The following CHST8 variants were observed in gnomAD, a reference collection of about 807,000 sequenced individuals.
CHST8 encodes the protein GALNAC-4-ST1.
CHST8 carries 10 observed loss-of-function variants against 15.0 expected under a neutral mutation model. The observed-to-expected ratio is 0.67, with a 90% CI of 0.41 to 1.13. CHST8 has a LOEUF of 1.13. Ranked by LOEUF, CHST8 falls within the 50% of genes most tolerant of loss-of-function variation. The pLI is 0.00. For synonymous variants in CHST8, 259 were observed against 256.6 expected (o/e 1.01, Z -0.09); for missense variants, 634 against 608.2 (o/e 1.04, Z -0.45).
At chr19:33,623,297 C>T (rs1972010191) in intron 1 of CHST8, among the ~76,000 whole-genome samples, 1 of 152,218 alleles carries the variant, frequency 6.6e-6, no homozygotes, top group African/African-American at 2.4e-5. Flanking sequence ...GTCCTGCAGT[C>T]GTCTCCGGCG....
At position 33,773,072 on chromosome 19, in the gene CHST8, G is replaced by C; in HGVS notation, c.*9G>C. The C allele has an allele frequency of 1.3e-6, 2 of 1,579,020 alleles. No homozygotes were observed. The highest frequency in any genetic ancestry group is 2.3e-5 in the South Asian group (2 of 88,198). ...TTGCAGATCTGTACTGAGGGGCGCC[G>C]CAGCTGGCCGGGGCCGCCCTGCCCC... On this transcript the variant is annotated 3_prime_UTR_variant, in exon 5 of 5. Coordinates refer to ENST00000650847, the MANE Select transcript of CHST8 (RefSeq NM_001127895.2).
chr19:33,651,887 C>T (rs1445714927), intron 1 of CHST8, among the ~76,000 whole-genome samples: 2 of 152,082 alleles, frequency 1.3e-5, no homozygotes, highest in African/African-American at 4.8e-5. Context: ...GTTCAGAAGT[C>T]TATATAGATC....
intron 3 of CHST8, among the ~76,000 whole-genome samples, chr19:33,763,623 CA>C (rs1406998851): frequency 6.6e-6 from 1 of 152,252 alleles, no homozygotes; most frequent in Non-Finnish European, 1.5e-5. Flanking sequence ...TGGATTTTCC[CA>C]TGAACACAGA....
At chr19:33,644,526 G>A (rs750894833) in intron 1 of CHST8, among the ~76,000 whole-genome samples, 8 of 152,172 alleles carry the variant, frequency 5.3e-5, no homozygotes, top group Non-Finnish European at 8.8e-5. Context: ...CTCGAGGCCA[G>A]GAGTTTGAGA....
At chr19:33,765,607 G>A (rs1206028505) in intron 3 of CHST8, among the ~76,000 whole-genome samples, 1 of 151,316 alleles carries the variant, frequency 6.6e-6, no homozygotes, top group South Asian at 2.1e-4. Flanking sequence ...CTGTTGCCAG[G>A]TTAGAGTGTA....
chr19:33,697,738 G>A (rs374859404), intron 3 of CHST8, among the ~76,000 whole-genome samples: 3 of 152,166 alleles, frequency 2.0e-5, no homozygotes, highest in African/African-American at 2.4e-5. Flanking sequence ...GTTGTGTTCC[G>A]GACCTGGAGC....
At chr19:33,712,185 C>T (rs1182176034) in intron 3 of CHST8, among the ~76,000 whole-genome samples, 1 of 152,220 alleles carries the variant, frequency 6.6e-6, no homozygotes, top group African/African-American at 2.4e-5. Flanking sequence ...CCCAGTAGAG[C>T]CCACTCCTAG....
At chr19:33,757,504 AAG>A (rs1974605074) in intron 3 of CHST8, among the ~76,000 whole-genome samples, 1 of 49,326 alleles carries the variant, frequency 2.0e-5, no homozygotes, top group African/African-American at 8.4e-5. Context: ...GAAAGAAAGA[AAG>A]AAAGAAAGAA....
At chr19:33,704,572 G>T (rs1413290506) in intron 3 of CHST8, among the ~76,000 whole-genome samples, 1 of 152,218 alleles carries the variant, frequency 6.6e-6, no homozygotes, top group East Asian at 1.9e-4. Flanking sequence ...GTAAGTCCAG[G>T]GTGGCCAGGT....
At chr19:33,643,401 C>T (rs1972308642) in intron 1 of CHST8, among the ~76,000 whole-genome samples, 1 of 152,218 alleles carries the variant, frequency 6.6e-6, no homozygotes, top group African/African-American at 2.4e-5. Flanking sequence ...TACCAGTTCT[C>T]TGCTCCCTCC....
Position 33,772,475 on chromosome 19 carries a change from T to C in CHST8, c.687T>C (p.Tyr229=), listed in dbSNP as rs1975014560. ...TADIQHNTVH[Y]GSALKRLDTF... is the part of the protein sequence containing the mutation. ...ACATCCAGCACAACACCGTCCACTA[T>C]GGCAGCGCTCTCAAGCGCCTGGACA... Residue 229 remains tyrosine (Y), a synonymous_variant, in exon 5 of 5, where the codon TAT becomes TAC. Transcript: ENST00000650847. 1.2e-6 allele frequency: 2 copies of C among 1,613,504 alleles called. No individual in the cohort carries two copies. The highest frequency in any genetic ancestry group is 2.2e-5 in the South Asian group (2 of 91,080).
chr19:33,666,717 T>C (rs1972666617), intron 1 of CHST8, among the ~76,000 whole-genome samples: 1 of 152,188 alleles, frequency 6.6e-6, no homozygotes, highest in South Asian at 2.1e-4. Flanking sequence ...TTTCTTTCTT[T>C]TTTGAGATGG....
At chr19:33,624,696 G>A (rs926512110) in intron 1 of CHST8, among the ~76,000 whole-genome samples, 2 of 152,196 alleles carry the variant, frequency 1.3e-5, no homozygotes, top group African/African-American at 2.4e-5. Context: ...GAAACCTCGC[G>A]CAGGCTGCTC....
At chr19:33,625,565 T>C (rs1264302986) in intron 1 of CHST8, among the ~76,000 whole-genome samples, 1 of 152,104 alleles carries the variant, frequency 6.6e-6, no homozygotes, top group Non-Finnish European at 1.5e-5. Context: ...TAAGTAAATA[T>C]GTTTTTAAAA....
At chr19:33,661,718 G>A (rs1434642187) in intron 1 of CHST8, among the ~76,000 whole-genome samples, 1 of 152,150 alleles carries the variant, frequency 6.6e-6, no homozygotes, top group Non-Finnish European at 1.5e-5. Context: ...TTCACCAGCA[G>A]CTCAAGAGGT....
At chr19:33,636,971 G>C (rs2145442306) in intron 1 of CHST8, among the ~76,000 whole-genome samples, 1 of 152,186 alleles carries the variant, frequency 6.6e-6, no homozygotes, top group East Asian at 1.9e-4. Context: ...AACCACTGCT[G>C]GTTGCCCATT....
At chr19:33,755,928 G>T (rs1974536186) in intron 3 of CHST8, among the ~76,000 whole-genome samples, 1 of 152,308 alleles carries the variant, frequency 6.6e-6, no homozygotes, top group Admixed American at 6.5e-5. Flanking sequence ...GCAGGCAGAG[G>T]CTAAGCAAAG....
At chr19:33,769,250 C>T (rs1026803814) in intron 3 of CHST8, among the ~76,000 whole-genome samples, 2 of 152,258 alleles carry the variant, frequency 1.3e-5, no homozygotes, top group South Asian at 2.1e-4. Flanking sequence ...TTCCCCCCGA[C>T]TGGCAGGATC....
intron 3 of CHST8, among the ~76,000 whole-genome samples, chr19:33,751,495 C>T (rs1974420244): frequency 6.6e-6 from 1 of 152,244 alleles, no homozygotes; most frequent in South Asian, 2.1e-4. Context: ...AGGCTGGTCT[C>T]CCCAGGGACC....
Sources: allele counts gnomAD v4.1 joint callset (sites outside exome capture counted in the v4.1 genomes callset), GRCh38; gene constraint gnomAD v4.1.1; transcripts MANE v1.5; gene names NCBI Gene and HGNC (gene_info 2026-07-23, HGNC 2026-07-21).